DLGAP2: variants seen among roughly 807,000 people sequenced by gnomAD.
DLGAP2 encodes disks large-associated protein 2.
Under a neutral mutation model 100.3 loss-of-function variants are expected in DLGAP2, and 26 were observed. The ratio of observed to expected loss-of-function variants is 0.26; its 90% CI spans 0.19 to 0.36. The LOEUF (loss-of-function observed/expected upper bound fraction) is 0.36, where lower values mean the gene tolerates loss of function less well. Among genes scored for constraint, DLGAP2 ranks in the 10% least tolerant of loss-of-function variants. The pLI is 1.00. For synonymous variants in DLGAP2, 886 were observed against 630.1 expected, an observed-to-expected ratio of 1.41 and a Z score of -6.08; for missense variants, 1,858 against 1,453.2, an observed-to-expected ratio of 1.28 and a Z score of -4.53.
At chr8:1,673,543 C>G (rs896687331) in intron 10 of DLGAP2, among the ~76,000 whole-genome samples, 1 of 152,200 alleles carries the variant, frequency 6.6e-6, no homozygotes. Context: ...CTGCACAGTT[C>G]ATCATATGCG....
intron 6 of DLGAP2, chr8:1,622,132 C>G (rs1797360220): frequency 6.6e-6 from 1 of 152,222 alleles, no homozygotes; most frequent in Non-Finnish European, 1.5e-5. Flanking sequence ...ACAGCACACG[C>G]ACGCGTGTGC....
At chr8:997,406 C>A (rs1397085699) in intron 2 of DLGAP2, among the ~76,000 whole-genome samples, 3 of 152,132 alleles carry the variant, frequency 2.0e-5, no homozygotes, top group Admixed American at 2.0e-4. Context: ...TGAAAAGATA[C>A]ACATGTTATA....
chr8:1,655,932 G>T (rs548996658), intron 8 of DLGAP2, among the ~76,000 whole-genome samples: 82 of 152,372 alleles, frequency 5.4e-4, no homozygotes, highest in Admixed American at 1.2e-3. Flanking sequence ...GCAGGCCAGC[G>T]TGGTAGCTGC....
intron 2 of DLGAP2, among the ~76,000 whole-genome samples, chr8:1,054,454 G>C (rs952845832): frequency 6.6e-6 from 1 of 152,022 alleles, no homozygotes; most frequent in African/African-American, 2.4e-5. Flanking sequence ...CTTTGTAGAC[G>C]TCTATCATTG....
At chr8:1,689,046 T>A (rs73672931) in intron 12 of DLGAP2, among the ~76,000 whole-genome samples, 26,367 of 152,110 alleles carry the variant, frequency 0.17, 2,450 homozygotes, top group South Asian at 0.28. Context: ...TCGTGTGCAA[T>A]GAATCTCACC....
rs1382778199 is a variant in DLGAP2, at chr8:1,282,495, G to A, written c.106+23612G>A. Among the ~76,000 whole-genome samples, 108 of 104,860 alleles carry A rather than the reference G, an allele frequency of 1.0e-3. 1 individual carries two copies. The highest frequency in any genetic ancestry group is 3.6e-3 in the African/African-American group (101 of 28,418). 68.8% of individuals were successfully genotyped at this position (104,860 alleles called of 152,430 possible). ...ACATGGTGTGACCTGAACCCAGCAC[G>A]TGAACCATCCAGACGTGGTGTGACC... On this transcript the variant is annotated intron_variant, in intron 3 of 14. Coordinates refer to ENST00000637795, the MANE Select transcript of DLGAP2 (RefSeq NM_001346810.2).
intron 5 of DLGAP2, among the ~76,000 whole-genome samples, chr8:1,550,272 G>A (rs557677696): frequency 7.9e-5 from 12 of 152,282 alleles, no homozygotes; most frequent in African/African-American, 2.6e-4. Flanking sequence ...CGGGAGACTC[G>A]AGGATTGACG....
intron 6 of DLGAP2, among the ~76,000 whole-genome samples, chr8:1,594,656 TCA>T (rs1288564581): frequency 6.6e-6 from 1 of 152,084 alleles, no homozygotes; most frequent in Non-Finnish European, 1.5e-5. Context: ...ACTCCTGACC[TCA>T]AGTGATCTGC....
Position 1,519,578 on chromosome 8 carries a change from G to A in DLGAP2, c.172+18147G>A, listed in dbSNP as rs562830718. Among the ~76,000 whole-genome samples the A allele has an allele frequency of 2.0e-5, 3 of 152,332 alleles. No individual in the cohort carries two copies. The East Asian group carries it at 5.8e-4, about 29-fold the overall frequency. On this transcript the variant is annotated intron_variant, in intron 4 of 14. Coordinates refer to ENST00000637795, the MANE Select transcript of DLGAP2 (RefSeq NM_001346810.2). ...CTGACCCTGATCCCCTTGTTTAACGGTTCTGACGACCCTGAGCCTGGCTCT... is the reference window on the plus strand; with the variant it reads ...CTGACCCTGATCCCCTTGTTTAACGATTCTGACGACCCTGAGCCTGGCTCT...
chr8:786,567 C>T (rs991662117), intron 1 of DLGAP2, among the ~76,000 whole-genome samples: 5 of 152,108 alleles, frequency 3.3e-5, no homozygotes, highest in Admixed American at 3.3e-4. Context: ...GTGAGTGGCC[C>T]TGAGCGCACT....
intron 2 of DLGAP2, among the ~76,000 whole-genome samples, chr8:1,075,427 A>C (rs182952877): frequency 7.3e-4 from 111 of 152,108 alleles, no homozygotes; most frequent in African/African-American, 2.6e-3. Context: ...TGTCTCCTGC[A>C]ATGGGCTTGT....
intron 12 of DLGAP2, 147 bp downstream of exon 12, chr8:1,678,776 T>C: frequency 1.2e-6 from 1 of 841,790 alleles, no homozygotes; most frequent in South Asian, 3.2e-5. Flanking sequence ...TCCCCCTCAA[T>C]TCTAAGAAAA....
intron 8 of DLGAP2, among the ~76,000 whole-genome samples, chr8:1,648,976 C>T (rs1456410522): frequency 6.6e-6 from 1 of 152,160 alleles, no homozygotes; most frequent in Admixed American, 6.5e-5. Flanking sequence ...TTTCCCAGAT[C>T]GGCAGCCACC....
chr8:1,546,207 C>T (rs1801528864), intron 4 of DLGAP2, among the ~76,000 whole-genome samples: 1 of 152,208 alleles, frequency 6.6e-6, no homozygotes, highest in Non-Finnish European at 1.5e-5. Context: ...ACAGCGTAGG[C>T]ACCTGAAATA....
intron 2 of DLGAP2, among the ~76,000 whole-genome samples, chr8:1,011,959 C>T (rs539546813): frequency 6.6e-6 from 1 of 152,184 alleles, no homozygotes; most frequent in Non-Finnish European, 1.5e-5. Context: ...AGACGGATGT[C>T]TCGGCTCACT....
At chr8:1,240,396 G>C (rs1246248196) in intron 2 of DLGAP2, among the ~76,000 whole-genome samples, 2 of 148,378 alleles carry the variant, frequency 1.3e-5, no homozygotes, top group Admixed American at 1.3e-4. Context: ...CTCTCACATG[G>C]CACCATGTCT....
chr8:1,561,533 C>T (rs1273806189), intron 5 of DLGAP2, among the ~76,000 whole-genome samples: 1 of 152,196 alleles, frequency 6.6e-6, no homozygotes, highest in African/African-American at 2.4e-5. Flanking sequence ...GTCCAACCCT[C>T]TCCTCATCAC....
intron 4 of DLGAP2, among the ~76,000 whole-genome samples, chr8:1,513,866 C>CT (rs5888840): frequency 0.64 from 97,147 of 151,940 alleles, 31,493 homozygotes; most frequent in South Asian, 0.8. Context: ...GGCGGTCGAA[C>CT]CTCAGACCCA....
In DLGAP2 at chr8:1,327,685, A is replaced by C. The variant is rs138071251; in HGVS notation, c.106+68802A>C. Among the ~76,000 whole-genome samples the C allele has an allele frequency of 5.0e-3, 763 of 152,132 alleles. 6 individuals carry two copies. The highest frequency in any genetic ancestry group is 0.017 in the African/African-American group (724 of 41,522). ...CCATGAAACCCCATCTCTACTAAAA[A>C]TACAAAAAACTATCCGGGCGTCGTG... is the stretch of plus-strand genomic sequence containing the variant. On this transcript the variant is annotated intron_variant, in intron 3 of 14. Coordinates refer to ENST00000637795, the MANE Select transcript of DLGAP2 (RefSeq NM_001346810.2).
Sources: gnomAD v4.1 joint callset for allele counts (sites outside exome capture counted in the v4.1 genomes callset) on GRCh38, gnomAD v4.1.1 for gene constraint, MANE v1.5 for transcripts, NCBI Gene and HGNC (gene_info 2026-07-23, HGNC 2026-07-21) for gene names.